Variants in PRMT3 observed in about 807,000 individuals in gnomAD.
PRMT3 encodes protein arginine methyltransferase 3, also known as protein arginine N-methyltransferase 3.
Under a neutral mutation model 71.9 loss-of-function variants are expected in PRMT3, and 62 were observed. The ratio of observed to expected loss-of-function variants is 0.86; its 90% CI spans 0.70 to 1.07. PRMT3 has a LOEUF of 1.07. Among genes scored for constraint, PRMT3 ranks in the 50% least tolerant of loss-of-function variants. The pLI, the probability that PRMT3 is intolerant of heterozygous loss-of-function variation, is 0.00. For missense variants in PRMT3, 663 were observed against 643.0 expected, an observed-to-expected ratio of 1.03 and a Z score of -0.34; for synonymous variants, 213 against 220.4, an observed-to-expected ratio of 0.97 and a Z score of 0.30.
At chr11:20,498,235 T>A (rs1333748736) in intron 15 of PRMT3, among the ~76,000 whole-genome samples, 2 of 152,040 alleles carry the variant, frequency 1.3e-5, no homozygotes. Flanking sequence ...GAGGGAGGAA[T>A]AGGGTAAGGT....
At chr11:20,439,052 G>C (rs1030275521) in intron 10 of PRMT3, among the ~76,000 whole-genome samples, 3 of 152,184 alleles carry the variant, frequency 2.0e-5, no homozygotes, top group Non-Finnish European at 4.4e-5. Flanking sequence ...ATGAAGGGGA[G>C]CCATGGCTAC....
intron 10 of PRMT3, among the ~76,000 whole-genome samples, chr11:20,438,142 G>T (rs1401430025): frequency 6.6e-6 from 1 of 152,122 alleles, no homozygotes; most frequent in Non-Finnish European, 1.5e-5. Context: ...TTTCCCACAA[G>T]AACTAGGATC....
At chr11:20,405,333 A>G (rs1849046203) in intron 8 of PRMT3, 4 of 151,890 alleles carry the variant, frequency 2.6e-5, no homozygotes. Context: ...TTTTTAAGAA[A>G]AAAAATGAAT....
Position 20,489,743 on chromosome 11 carries a change from A to G in PRMT3, c.1348-4176A>G, listed in dbSNP as rs943266803. 6.6e-5 allele frequency among the ~76,000 whole-genome samples: 10 copies of G among 151,440 alleles called. No individual in the cohort carries two copies. In the Admixed American group the frequency reaches 6.6e-4, roughly 10 times the overall value. Reference sequence around the variant, plus strand: ...CACTAATCATAATTCATTTGGTTTTATATTACTATGTTTCAAATTGAAGGG... The same window carrying G: ...CACTAATCATAATTCATTTGGTTTTGTATTACTATGTTTCAAATTGAAGGG... On this transcript the variant is annotated intron_variant, in intron 13 of 15. Coordinates refer to ENST00000331079, the MANE Select transcript of PRMT3 (RefSeq NM_005788.4).
chr11:20,487,434 G>A (rs1424062996), intron 13 of PRMT3, among the ~76,000 whole-genome samples: 2 of 152,136 alleles, frequency 1.3e-5, no homozygotes, highest in Non-Finnish European at 2.9e-5. Context: ...GAGGAAATTA[G>A]CCAGACACAA....
At chr11:20,398,910 C>A (rs1320748769) in intron 7 of PRMT3, among the ~76,000 whole-genome samples, 3 of 152,176 alleles carry the variant, frequency 2.0e-5, no homozygotes. Flanking sequence ...CAACATGTGA[C>A]TGTATTTAAA....
chr11:20,433,877 C>A (rs1388141430), intron 10 of PRMT3, among the ~76,000 whole-genome samples: 1 of 152,146 alleles, frequency 6.6e-6, no homozygotes, highest in Non-Finnish European at 1.5e-5. Flanking sequence ...ACCTCGGCTT[C>A]CCAAAGTGCT....
rs1849554880 is a variant in PRMT3 at position 20,426,754 on chromosome 11, T to C, written c.894-12T>C. The C allele has an allele frequency of 6.9e-7, 1 of 1,454,912 alleles. No homozygotes were observed. Among genetic ancestry groups the C allele is most frequent in the Non-Finnish European group, 9.0e-7 (1 of 1,106,414 alleles). 90.1% of individuals were successfully genotyped at this position (1,454,912 alleles called of 1,614,324 possible). On this transcript the variant is annotated splice_polypyrimidine_tract_variant and intron_variant, in intron 9 of 15. Transcript: ENST00000331079. ...TGTTTAACCTACTAATCTAATTCAT[T>C]ATAATTTTCAGACTAAATAAACTTG... is the stretch of plus-strand genomic sequence containing the variant.
Position 20,508,410 on chromosome 11 carries a change from G to A in PRMT3, c.1593G>A (p.Gln531=). 6.3e-7 allele frequency: 1 copy of A among 1,591,792 alleles called. No homozygotes were observed. The highest frequency in any genetic ancestry group is 8.6e-7 in the Non-Finnish European group (1 of 1,159,930). Residue 531 remains glutamine, a synonymous_variant, in exon 16 of 16, where the codon CAG becomes CAA. Coordinates refer to ENST00000331079, the MANE Select transcript of PRMT3 (RefSeq NM_005788.4). ...LNNSTQTYGL[Q] is the part of the protein sequence containing the mutation. Reference sequence around the variant, plus strand: ...ATTCAACTCAAACTTATGGTCTCCAGTGAAACAGCCATAAAAGCACACTAC... The same window carrying A: ...ATTCAACTCAAACTTATGGTCTCCAATGAAACAGCCATAAAAGCACACTAC...
rs547449109 is a variant in PRMT3, at chr11:20,402,887, A to G, written c.706-32A>G. 1.2e-5 allele frequency: 18 copies of G among 1,548,184 alleles called. No individual in the cohort carries two copies. In the Admixed American group the frequency reaches 1.2e-4, roughly 10 times the overall value. ...AAAATTTATTTGTTTAGACTGTCCT[A>G]TAAACACAGCGTTTTCCTCTCTCCA... is the stretch of plus-strand genomic sequence containing the variant. On this transcript the variant is annotated intron_variant, in intron 7 of 15. Transcript: ENST00000331079.
chr11:20,471,229 A>C (rs1386392473), intron 13 of PRMT3, among the ~76,000 whole-genome samples: 1 of 150,454 alleles, frequency 6.6e-6, no homozygotes, highest in African/African-American at 2.4e-5. Context: ...ATTAGACCCC[A>C]CTTGTCAATT....
chr11:20,487,069 AAAGAAG>A (rs533617239), intron 13 of PRMT3, among the ~76,000 whole-genome samples: 1 of 151,874 alleles, frequency 6.6e-6, no homozygotes, highest in African/African-American at 2.4e-5. Context: ...GAAAAAAAAA[AAAGAAG>A]AAGAAGAATG....
At chr11:20,414,567 C>T (rs988941432) in intron 9 of PRMT3, among the ~76,000 whole-genome samples, 7 of 152,112 alleles carry the variant, frequency 4.6e-5, no homozygotes, top group Admixed American at 3.3e-4. Flanking sequence ...GTTTATTACC[C>T]TCAGGAAGCG....
intron 9 of PRMT3, among the ~76,000 whole-genome samples, chr11:20,422,895 C>T (rs939833163): frequency 6.6e-6 from 1 of 152,192 alleles, no homozygotes; most frequent in African/African-American, 2.4e-5. Flanking sequence ...CAACCTGGCA[C>T]ATAGAGCAAG....
chr11:20,459,048 T>A (rs143759011), intron 11 of PRMT3, among the ~76,000 whole-genome samples: 164 of 152,264 alleles, frequency 1.1e-3, no homozygotes, highest in African/African-American at 3.6e-3. Context: ...ATAGCCTCTG[T>A]CCCAACTATT....
chr11:20,473,170 CA>C (rs914210266), intron 13 of PRMT3, among the ~76,000 whole-genome samples: 2 of 151,580 alleles, frequency 1.3e-5, no homozygotes, highest in Non-Finnish European at 2.9e-5. Context: ...TTAATTTTTT[CA>C]AAAAAACAGC....
chr11:20,471,884 T>C (rs1226255936), intron 13 of PRMT3, among the ~76,000 whole-genome samples: 4 of 152,200 alleles, frequency 2.6e-5, no homozygotes, highest in African/African-American at 7.2e-5. Flanking sequence ...CTTTGAGCAG[T>C]GGTTTGCAGT....
intron 10 of PRMT3, among the ~76,000 whole-genome samples, chr11:20,428,399 C>T (rs1849590582): frequency 6.6e-6 from 1 of 152,132 alleles, no homozygotes; most frequent in East Asian, 1.9e-4. Context: ...TTCCTGTTAC[C>T]TCAGTTGAAC....
chr11:20,398,485 C>T (rs11025549), intron 7 of PRMT3, among the ~76,000 whole-genome samples: 7,117 of 152,128 alleles, frequency 0.047, 271 homozygotes, highest in East Asian at 0.2. Flanking sequence ...TGGAGTCTCG[C>T]TCTGTCACCC....
Sources: gnomAD v4.1 joint callset for allele counts (sites outside exome capture counted in the v4.1 genomes callset) on GRCh38, gnomAD v4.1.1 for gene constraint, MANE v1.5 for transcripts, NCBI Gene and HGNC (gene_info 2026-07-23, HGNC 2026-07-21) for gene names.